Variants in TOP6BL observed in about 807,000 individuals in gnomAD.
The protein encoded by TOP6BL is type 2 DNA topoisomerase 6 subunit B-like.
chr11:66,803,870 A>G, the TOP6BL span: 3 of 668,676 alleles, frequency 4.5e-6, no homozygotes, highest in South Asian at 7.8e-5. Flanking sequence ...TATTCCAACA[A>G]AACTGATATG....
At chr11:66,830,798 C>T in the TOP6BL span, among the ~76,000 whole-genome samples, 10 of 152,248 alleles carry the variant, frequency 6.6e-5, no homozygotes, top group African/African-American at 1.4e-4. Context: ...TTGAAAGATA[C>T]GAAGCCCACT....
the TOP6BL span, among the ~76,000 whole-genome samples, chr11:66,818,405 C>T: frequency 1.1e-4 from 16 of 152,108 alleles, no homozygotes; most frequent in South Asian, 3.1e-3. Context: ...TTTGGTGTAC[C>T]GCCGTTCTGA....
the TOP6BL span, chr11:66,813,992 A>G: frequency 2.6e-5 from 42 of 1,613,528 alleles, no homozygotes; most frequent in Non-Finnish European, 3.3e-5. Flanking sequence ...ATGATACCCA[A>G]TTTGGATCTC....
chr11:66,798,905 C>T, the TOP6BL span, among the ~76,000 whole-genome samples: 3 of 151,952 alleles, frequency 2.0e-5, no homozygotes, highest in Non-Finnish European at 2.9e-5. Context: ...AACCTTGTCT[C>T]TACTAAAAAT....
chr11:66,795,026 C>T, the TOP6BL span, among the ~76,000 whole-genome samples: 3 of 151,724 alleles, frequency 2.0e-5, no homozygotes, highest in Non-Finnish European at 4.4e-5. Context: ...CCCAGCTACT[C>T]AGGAGGCTGA....
the TOP6BL span, among the ~76,000 whole-genome samples, chr11:66,803,348 A>G: frequency 6.6e-6 from 1 of 152,158 alleles, no homozygotes; most frequent in Admixed American, 6.5e-5. Context: ...TTGGGAGGCC[A>G]AGGCAGAAAG....
chr11:66,803,890 G>A, the TOP6BL span: 6 of 815,384 alleles, frequency 7.4e-6, no homozygotes, highest in Admixed American at 2.5e-5. Context: ...GGCAGGTTGT[G>A]TGGTTGTACA....
chr11:66,803,930 A>C, the TOP6BL span: 1 of 1,357,018 alleles, frequency 7.4e-7, no homozygotes, highest in East Asian at 2.3e-5. Flanking sequence ...ATAATTTTGA[A>C]TGCTCTTTTA....
the TOP6BL span, among the ~76,000 whole-genome samples, chr11:66,752,295 A>G: frequency 1.3e-5 from 2 of 152,100 alleles, no homozygotes; most frequent in South Asian, 2.1e-4. Context: ...GTTTGGCCAT[A>G]TAGGATTCTA....
the TOP6BL span, among the ~76,000 whole-genome samples, chr11:66,745,314 T>TGGGGGGGGGGGGGGGGGGGG: frequency 2.7e-5 from 3 of 111,052 alleles, no homozygotes; most frequent in Non-Finnish European, 3.7e-5. Context: ...CGGGGCGGGG[T>TGGGGGGGGGGGGGGGGGGGG]GGGGGGAGTC....
At chr11:66,792,008 G>A in the TOP6BL span, among the ~76,000 whole-genome samples, 4 of 152,052 alleles carry the variant, frequency 2.6e-5, no homozygotes, top group African/African-American at 4.8e-5. Flanking sequence ...TAGTAGAGAT[G>A]GGCTGTGTTA....
At chr11:66,755,143 A>G in the TOP6BL span, among the ~76,000 whole-genome samples, 1 of 143,282 alleles carries the variant, frequency 7.0e-6, no homozygotes, top group South Asian at 2.2e-4. Flanking sequence ...TTTTTGATAT[A>G]GAGTCTCACT....
the TOP6BL span, among the ~76,000 whole-genome samples, chr11:66,842,673 C>A: frequency 6.6e-6 from 1 of 152,152 alleles, no homozygotes; most frequent in Admixed American, 6.5e-5. Context: ...TCTCTGCAGC[C>A]TCGGGCTGCT....
At chr11:66,745,004 G>T in the TOP6BL span, 9 of 1,209,700 alleles carry the variant, frequency 7.4e-6, no homozygotes, top group Non-Finnish European at 9.3e-6. Context: ...GGGCAGAGGG[G>T]TCGGGCGTCG....
At chr11:66,805,293 C>T in the TOP6BL span, among the ~76,000 whole-genome samples, 1 of 151,954 alleles carries the variant, frequency 6.6e-6, no homozygotes, top group Non-Finnish European at 1.5e-5. Flanking sequence ...GTGTGGTAGG[C>T]ACGGAAAGGC....
At chr11:66,769,344 G>A in the TOP6BL span, among the ~76,000 whole-genome samples, 4 of 151,544 alleles carry the variant, frequency 2.6e-5, no homozygotes, top group African/African-American at 9.7e-5. Context: ...GACATTTAAA[G>A]CACAAGCAAC....
chr11:66,843,351 CG>C, the TOP6BL span: 1 of 1,458,354 alleles, frequency 6.9e-7, no homozygotes. Context: ...GCTTCCGCGT[CG>C]GGCCCGGGCG....
the TOP6BL span, among the ~76,000 whole-genome samples, chr11:66,784,574 T>C: frequency 6.6e-6 from 1 of 152,246 alleles, no homozygotes; most frequent in Non-Finnish European, 1.5e-5. Flanking sequence ...TGGCAAACAC[T>C]AATCTACTTT....
At chr11:66,807,059 G>A in the TOP6BL span, among the ~76,000 whole-genome samples, 2 of 152,160 alleles carry the variant, frequency 1.3e-5, no homozygotes, top group African/African-American at 4.8e-5. Flanking sequence ...ATATTAGGTA[G>A]TGATAAGTGC....
Sources: gnomAD v4.1 joint callset for allele counts (sites outside exome capture counted in the v4.1 genomes callset) on GRCh38, gnomAD v4.1.1 for gene constraint, MANE v1.5 for transcripts, NCBI Gene and HGNC (gene_info 2026-07-23, HGNC 2026-07-21) for gene names.